The following HSP90AA1 variants were observed in gnomAD, a reference collection of about 807,000 sequenced individuals.
HSP90AA1 encodes heat shock protein HSP 90-alpha.
HSP90AA1 carries 18 observed loss-of-function variants against 73.3 expected under a neutral mutation model. The ratio of observed to expected loss-of-function variants is 0.25; its 90% CI spans 0.17 to 0.36. The LOEUF is 0.36. Among genes scored for constraint, HSP90AA1 ranks in the 10% least tolerant of loss-of-function variants. HSP90AA1 has a pLI of 1.00. For missense variants in HSP90AA1, 704 were observed against 874.2 expected (o/e 0.81, Z 2.45); for synonymous variants, 477 against 296.9 (o/e 1.61, Z -6.24).
intron 1 of HSP90AA1, among the ~76,000 whole-genome samples, chr14:102,105,667 T>C (rs1271198573): frequency 6.6e-6 from 1 of 152,210 alleles, no homozygotes; most frequent in Non-Finnish European, 1.5e-5. Context: ...GGGGAGTGTG[T>C]TCTCTGTCCA....
At chr14:102,087,153 C>A (rs142800199), upstream of HSP90AA1, 37,506 of 983,960 alleles carry the variant, frequency 0.038, 848 homozygotes, top group South Asian at 0.11. Flanking sequence ...CAGCCGCCGC[C>A]GCGGCCGCGC....
chr14:102,108,577 C>T, intron 1 of HSP90AA1, among the ~76,000 whole-genome samples: 1 of 147,560 alleles, frequency 6.8e-6, no homozygotes, highest in African/African-American at 2.5e-5. Flanking sequence ...CCCTTGTTGC[C>T]CATGCTGGAG....
In HSP90AA1 at chr14:102,130,411, TG is replaced by T. The variant is rs201434685; in HGVS notation, c.155+8838del. Among the ~76,000 whole-genome samples, 41 of 152,298 alleles carry T rather than the reference TG, an allele frequency of 2.7e-4. 1 individual carries two copies. In the East Asian group the frequency reaches 7.9e-3, roughly 29 times the overall value. On this transcript the variant is annotated intron_variant, in intron 1 of 11. Coordinates refer to the HSP90AA1 transcript ENST00000334701. ...ACTTTTCCTTCCTATCTGCAGTACATGGGGGTTTAAATTTCTCCACATTCTC... is the reference window on the plus strand; with the variant it reads ...ACTTTTCCTTCCTATCTGCAGTACATGGGGTTTAAATTTCTCCACATTCTC...
upstream of HSP90AA1, among the ~76,000 whole-genome samples, chr14:102,087,601 C>G (rs1255930075): frequency 6.6e-6 from 1 of 152,162 alleles, no homozygotes; most frequent in Non-Finnish European, 1.5e-5. Context: ...AGAATCCAGC[C>G]GCAAGCGGCG....
rs2049085525 is a variant in HSP90AA1 at position 102,081,023 on chromosome 14, CT to C, written c.*688del. On this transcript the variant is annotated 3_prime_UTR_variant, in exon 11 of 11. Transcript: ENST00000216281. ...GTCATCCAGATACTCCCCTTTCCCC[CT>C]AAATAAGACACTGTCACACAATATC... The C allele has an allele frequency of 4.4e-6, 1 of 227,446 alleles. No homozygotes were observed. The highest frequency in any genetic ancestry group is 5.7e-5 in the Admixed American group (1 of 17,618). 14.1% of individuals were successfully genotyped at this position (227,446 alleles called of 1,614,324 possible).
intron 2 of HSP90AA1, among the ~76,000 whole-genome samples, chr14:102,093,199 A>AAT (rs1189169750): frequency 1.2e-4 from 18 of 149,358 alleles, no homozygotes; most frequent in African/African-American, 3.4e-4. Context: ...TAAATTAAAA[A>AAT]ATATATATAT....
rs1472448702 is a variant in HSP90AA1, at chr14:102,083,841, A to C, written c.1290T>G (p.Asp430Glu). The change falls in exon 7 of 11, where the codon GAT becomes GAG. Residue 430 changes from aspartate (D) to glutamate (E), a missense_variant. Asp to Glu is a conservative substitution (Grantham distance 45). Transcript: ENST00000216281. ...CLELFTELAE[D>E]KENYKKFYEQ... ...CATAGAATTTCTTGTAGTTCTCTTTATCTTCCGCCAGTTCAGTAAAGAGTT... is the reference window on the plus strand; with the variant it reads ...CATAGAATTTCTTGTAGTTCTCTTTCTCTTCCGCCAGTTCAGTAAAGAGTT... The C allele has an allele frequency of 1.2e-6, 2 of 1,613,660 alleles. No individual in the cohort carries two copies. Among genetic ancestry groups the C allele is most frequent in the Admixed American group, 1.7e-5 (1 of 59,968 alleles).
chr14:102,103,770 C>G (rs1290944665), intron 1 of HSP90AA1, among the ~76,000 whole-genome samples: 3 of 150,500 alleles, frequency 2.0e-5, no homozygotes, highest in African/African-American at 7.4e-5. Context: ...CACCATTGCA[C>G]TCTAGCCTGG....
rs145014360 is a variant in HSP90AA1, at chr14:102,105,444, G to A, written c.156-3359C>T. Among the ~76,000 whole-genome samples the A allele has an allele frequency of 7.2e-5, 11 of 152,260 alleles. No homozygotes were observed. The East Asian group carries it at 1.5e-3, about 21-fold the overall frequency. On this transcript the variant is annotated intron_variant, in intron 1 of 11. Coordinates refer to the HSP90AA1 transcript ENST00000334701. ...AAAAGGCTTCCCAAAGGCAAATGGC[G>A]CCTGAACTGAGTAGTAAGGAACAAC...
chr14:102,086,363 G>A lies in HSP90AA1; in HGVS notation c.16C>T (p.Gln6Ter), dbSNP rs554252961. The A allele has an allele frequency of 6.2e-7, 1 of 1,614,080 alleles. No individual in the cohort carries two copies. The highest frequency in any genetic ancestry group is 1.3e-5 in the African/African-American group (1 of 74,944). MPEET[Q>*]TQDQPMEEEE... ...TCCTCCATCGGTTGGTCTTGGGTCTGGGTTTCCTCAGGCATCTGGAACGAC... is the reference window on the plus strand; with the variant it reads ...TCCTCCATCGGTTGGTCTTGGGTCTAGGTTTCCTCAGGCATCTGGAACGAC... The change falls in exon 2 of 11, where the codon CAG becomes TAG. Residue 6 changes from glutamine (Q) to a stop codon, truncating the protein, a stop_gained. Transcript: ENST00000216281. LOFTEE classifies it high-confidence loss of function.
intron 8 of HSP90AA1, 34 bp downstream of exon 8, chr14:102,083,512 C>G (rs1050450957): frequency 8.1e-6 from 13 of 1,604,000 alleles, no homozygotes; most frequent in Non-Finnish European, 1.0e-5. Flanking sequence ...ATTGTAAGAA[C>G]GACGTGTATG....
chr14:102,091,397 C>T (rs2049355822), upstream of HSP90AA1, among the ~76,000 whole-genome samples: 2 of 151,882 alleles, frequency 1.3e-5, no homozygotes, highest in South Asian at 4.2e-4. Context: ...CTGAGGCAGA[C>T]CAATCAATTG....
rs1259226778 is a variant in HSP90AA1, at chr14:102,082,124, G to A, written c.2076C>T (p.Ile692=). 4.7e-5 allele frequency: 75 copies of A among 1,610,454 alleles called. No homozygotes were observed. In the Middle Eastern group the frequency reaches 4.9e-4, roughly 11 times the overall value. The change falls in exon 10 of 11, where the codon ATC becomes ATT. Residue 692 remains isoleucine, a synonymous_variant. Transcript: ENST00000216281. ...TATAAGGCTTACCCAGACCAAGTTTGATCATCCTGTAGATCCTGTTAGCAT... is the reference window on the plus strand; with the variant it reads ...TATAAGGCTTACCCAGACCAAGTTTAATCATCCTGTAGATCCTGTTAGCAT... The part of the protein sequence containing the change: ...QTHANRIYRM[I]KLGLGIDEDD...
At chr14:102,094,662 G>A (rs2049401206) in intron 2 of HSP90AA1, among the ~76,000 whole-genome samples, 1 of 152,222 alleles carries the variant, frequency 6.6e-6, no homozygotes, top group African/African-American at 2.4e-5. Context: ...GAAAATGGAG[G>A]CTGGAAAATT....
At chr14:102,089,045 C>T (rs1434604547), upstream of HSP90AA1, among the ~76,000 whole-genome samples, 4 of 152,016 alleles carry the variant, frequency 2.6e-5, no homozygotes, top group East Asian at 1.9e-4. Context: ...CTTAGCCTCC[C>T]GAGTAGCTGG....
chr14:102,090,203 C>T (rs2049335486), upstream of HSP90AA1, among the ~76,000 whole-genome samples: 1 of 152,172 alleles, frequency 6.6e-6, no homozygotes, highest in African/African-American at 2.4e-5. Context: ...GAACACCATT[C>T]CCTCTGTTCT....
exon 1 of HSP90AA1, chr14:102,139,424 C>A: frequency 6.6e-7 from 1 of 1,526,596 alleles, no homozygotes; most frequent in Non-Finnish European, 8.8e-7. Flanking sequence ...CCGTAGGGTA[C>A]CCCGCGTGCT....
chr14:102,096,357 T>C (rs1468385367), intron 2 of HSP90AA1, among the ~76,000 whole-genome samples: 1 of 152,206 alleles, frequency 6.6e-6, no homozygotes, highest in African/African-American at 2.4e-5. Flanking sequence ...CAGCAGATCC[T>C]GCTAAGTGCA....
rs758524287 is a variant in HSP90AA1, at chr14:102,084,953, C to G, written c.709G>C (p.Glu237Gln). The G allele has an allele frequency of 6.2e-7, 1 of 1,606,516 alleles. No homozygotes were observed. The highest frequency in any genetic ancestry group is 2.2e-5 in the East Asian group (1 of 44,842). ...TTTTCTTCTTCTTTGTCTTCCTTTT[C>G]TTCAGCCTCATCATCGCTTACTTCT... ...DKEVSDDEAE[E>Q]KEDKEEEKEK... The change falls in exon 5 of 11, where the codon GAA becomes CAA. Residue 237 changes from glutamate to glutamine, a missense_variant. Coordinates refer to ENST00000216281, the MANE Select transcript of HSP90AA1 (RefSeq NM_005348.4).
Sources: allele counts gnomAD v4.1 joint callset (sites outside exome capture counted in the v4.1 genomes callset), GRCh38; gene constraint gnomAD v4.1.1; transcripts MANE v1.5; gene names NCBI Gene and HGNC (gene_info 2026-07-23, HGNC 2026-07-21).